The following CLBA1 variants were observed in gnomAD, a reference collection of about 807,000 sequenced individuals.
CLBA1 encodes the protein uncharacterized protein CLBA1.
CLBA1 carries 30 observed loss-of-function variants against 28.8 expected under a neutral mutation model. The ratio of observed to expected loss-of-function variants is 1.04; its 90% confidence interval spans 0.78 to 1.41. The LOEUF is 1.41. Ranked by LOEUF, CLBA1 falls within the 40% of genes most tolerant of loss-of-function variation. The pLI is 0.00. For synonymous variants in CLBA1, 160 were observed against 152.8 expected, an observed-to-expected ratio of 1.05 and a Z score of -0.35; for missense variants, 451 against 412.3, an observed-to-expected ratio of 1.09 and a Z score of -0.81.
Position 104,995,288 on chromosome 14 carries a change from C to T in CLBA1, c.*529C>T, listed in dbSNP as rs138359102. ...CAGATGTGCTGTGTCCTCAGAGCCT[C>T]GCAGGTGCCCTCACTTACTGCCTGG... On this transcript the variant is annotated 3_prime_UTR_variant, in exon 5 of 5. Transcript: ENST00000547315. 132 of 985,458 alleles carry T rather than the reference C, an allele frequency of 1.3e-4. No homozygotes were observed. In the East Asian group the frequency reaches 5.0e-3, roughly 37 times the overall value. 61.0% of individuals were successfully genotyped at this position (985,458 alleles called of 1,614,324 possible). A position where few individuals can be genotyped will look rare whatever the true frequency, so the allele number is the denominator to read the frequency against.
At chr14:104,996,548 C>T (rs1169513541), downstream of CLBA1, among the ~76,000 whole-genome samples, 1 of 152,206 alleles carries the variant, frequency 6.6e-6, no homozygotes, top group Non-Finnish European at 1.5e-5. Context: ...TCTGGAGGCC[C>T]AGCAGGGGAG....
chr14:104,987,403 G>C (rs1318479794), intron 1 of CLBA1, among the ~76,000 whole-genome samples: 1 of 152,150 alleles, frequency 6.6e-6, no homozygotes, highest in Non-Finnish European at 1.5e-5. Flanking sequence ...CTCTTTCAGA[G>C]CAGACTGTGG....
chr14:104,986,964 CAGAGCGT>C, intron 1 of CLBA1, 110 bp downstream of exon 1: 1 of 1,297,040 alleles, frequency 7.7e-7, no homozygotes, highest in Non-Finnish European at 1.1e-6. Flanking sequence ...CTGACAGCCC[CAGAGCGT>C]CTGCTTCTCT....
intron 2 of CLBA1, chr14:104,991,271 G>A: frequency 2.4e-6 from 1 of 413,194 alleles, no homozygotes; most frequent in Non-Finnish European, 4.4e-6. Context: ...TGATCTGTCA[G>A]CCTCAGCCTC....
At chr14:104,998,318 G>A (rs1900202427), downstream of CLBA1, among the ~76,000 whole-genome samples, 1 of 151,894 alleles carries the variant, frequency 6.6e-6, no homozygotes, top group Non-Finnish European at 1.5e-5. Context: ...GGAGGCTGAG[G>A]TGGGAGGATT....
chr14:104,992,129 GCA>G (rs1319658491), intron 3 of CLBA1, among the ~76,000 whole-genome samples: 3 of 135,788 alleles, frequency 2.2e-5, no homozygotes, highest in Non-Finnish European at 3.1e-5. Context: ...ACGCCACCAC[GCA>G]CACGCCGCCA....
chr14:104,987,775 G>T (rs1477120024), intron 1 of CLBA1, among the ~76,000 whole-genome samples: 2 of 145,352 alleles, frequency 1.4e-5, no homozygotes, highest in Admixed American at 6.9e-5. Flanking sequence ...CCACCACCAC[G>T]CCCGGCTAAC....
chr14:104,994,955 G>A lies in CLBA1; in HGVS notation c.*196G>A. 7.9e-7 allele frequency: 1 copy of A among 1,268,438 alleles called. No individual in the cohort carries two copies. Among genetic ancestry groups the A allele is most frequent in the South Asian group, 2.5e-5 (1 of 40,758 alleles). 78.6% of individuals were successfully genotyped at this position (1,268,438 alleles called of 1,614,324 possible). On this transcript the variant is annotated 3_prime_UTR_variant, in exon 5 of 5. Transcript: ENST00000547315. Reference sequence around the variant, plus strand: ...AGATGGAGGATGTGTCCTTGGCAGAGCCAAGGGGAGACAGAGGTTTCTGGA... The same window carrying A: ...AGATGGAGGATGTGTCCTTGGCAGAACCAAGGGGAGACAGAGGTTTCTGGA...
intron 1 of CLBA1, among the ~76,000 whole-genome samples, chr14:104,987,718 A>C (rs1899906403): frequency 7.2e-6 from 1 of 139,810 alleles, no homozygotes; most frequent in Admixed American, 8.0e-5. Context: ...CCTGGGTTCA[A>C]GCAGTTCTCC....
intron 2 of CLBA1, among the ~76,000 whole-genome samples, chr14:105,000,799 G>A (rs1030703460): frequency 3.3e-5 from 5 of 152,078 alleles, no homozygotes; most frequent in African/African-American, 9.7e-5. Flanking sequence ...CTGTTGGTGG[G>A]AGTGTAAAGT....
chr14:104,986,715 C>CA lies in CLBA1; in HGVS notation c.285dup (p.Gln96ThrfsTer4). 6.2e-7 allele frequency: 1 copy of CA among 1,614,118 alleles called. No homozygotes were observed. The highest frequency in any genetic ancestry group is 8.5e-7 in the Non-Finnish European group (1 of 1,180,002). On this transcript the variant is annotated frameshift_variant, in exon 1 of 5. Coordinates refer to ENST00000547315, the MANE Select transcript of CLBA1 (RefSeq NM_174891.4). LOFTEE classifies it high-confidence loss of function. The stretch of plus-strand genomic sequence containing the variant: ...TCTTCAGCCAAGTCTGGACAATTCT[C>CA]ACAGTCCCTTGAACTCCTCGAGGGA...
intron 2 of CLBA1, 84 bp downstream of exon 2, chr14:104,989,172 G>T: frequency 7.0e-7 from 1 of 1,429,176 alleles, no homozygotes; most frequent in African/African-American, 1.4e-5. Flanking sequence ...CTTTGTTTTT[G>T]CCTTTATGGA....
rs1899874911 is a variant in CLBA1, at chr14:104,986,719, G to A, written c.288G>A (p.Gln96=). The change falls in exon 1 of 5, where the codon CAG becomes CAA. Residue 96 remains glutamine, a synonymous_variant. Coordinates refer to ENST00000547315, the MANE Select transcript of CLBA1 (RefSeq NM_174891.4). ...ESSAKSGQFS[Q]SLELLEGPTE... ...CAGCCAAGTCTGGACAATTCTCACA[G>A]TCCCTTGAACTCCTCGAGGGACCCA... is the stretch of plus-strand genomic sequence containing the variant. The A allele has an allele frequency of 6.2e-7, 1 of 1,613,964 alleles. No homozygotes were observed.
chr14:104,996,919 C>A (rs372131903), downstream of CLBA1, among the ~76,000 whole-genome samples: 9 of 152,218 alleles, frequency 5.9e-5, no homozygotes, highest in Non-Finnish European at 1.3e-4. Context: ...GTGGAAGGCA[C>A]GTGCCCCTCT....
At chr14:104,988,243 C>T (rs945236948) in intron 1 of CLBA1, among the ~76,000 whole-genome samples, 1 of 152,150 alleles carries the variant, frequency 6.6e-6, no homozygotes, top group Non-Finnish European at 1.5e-5. Flanking sequence ...CGGTTCAGAC[C>T]ACCCTCCTCC....
At position 104,986,665 on chromosome 14, in the gene CLBA1, G is replaced by C. The variant is rs377118470; in HGVS notation, c.234G>C (p.Trp78Cys). Residue 78 changes from tryptophan (W) to cysteine (C), a missense_variant, in exon 1 of 5, where the codon TGG becomes TGC. Physicochemically the swap from Trp to Cys is radical, Grantham distance 215. Transcript: ENST00000547315. The stretch of plus-strand genomic sequence containing the variant: ...ACCCTGGGGAACACAGCAGCACTTG[G>C]GGGGAGTTTGAAGGCTTTCGGGAAT... ...CPDPGEHSST[W>C]GEFEGFRESS... 2.8e-5 allele frequency: 46 copies of C among 1,614,106 alleles called. 1 individual carries two copies. In the South Asian group the frequency reaches 4.8e-4, roughly 17 times the overall value.
intron 4 of CLBA1, chr14:104,993,544 C>A: frequency 2.0e-6 from 2 of 985,430 alleles, no homozygotes; most frequent in Non-Finnish European, 2.4e-6. Flanking sequence ...GCGGTTCTTG[C>A]CACAGAGTCA....
In CLBA1 at chr14:104,986,776, C is replaced by T; in HGVS notation, c.345C>T (p.Ala115=). The change falls in exon 1 of 5, where the codon GCC becomes GCT. Residue 115 remains alanine, a synonymous_variant. Transcript: ENST00000547315. ...CCCAGCCACCGAGAACCACTTCTGC[C>T]CCAAAAGAGTGCAGTTCTCACCAAC... is the stretch of plus-strand genomic sequence containing the variant. ...TEPQPPRTTS[A]PKECSSHQPC... 2 of 1,613,974 alleles carry T rather than the reference C, an allele frequency of 1.2e-6. No individual in the cohort carries two copies. Among genetic ancestry groups the T allele is most frequent in the Non-Finnish European group, 1.7e-6 (2 of 1,180,024 alleles).
rs1157660765 is a variant in CLBA1, at chr14:104,993,024, G to C, written c.776G>C (p.Ser259Thr). 4 of 1,613,994 alleles carry C rather than the reference G, an allele frequency of 2.5e-6. No homozygotes were observed. The highest frequency in any genetic ancestry group is 1.3e-5 in the African/African-American group (1 of 74,934). Residue 259 changes from serine (S) to threonine (T), a missense_variant, in exon 4 of 5, where the codon AGC (serine) becomes ACC (threonine). Physicochemically the swap from Ser to Thr is moderately conservative, Grantham distance 58. Coordinates refer to ENST00000547315, the MANE Select transcript of CLBA1 (RefSeq NM_174891.4). ...KEPEGLLTVSSFCLQHCKALI... is the reference protein window; with the variant it reads ...KEPEGLLTVSTFCLQHCKALI... ...CCTGAAGGACTCCTCACTGTCAGCA[G>C]CTTCTGTCTCCAGCATTGCAAAGCC... is the stretch of plus-strand genomic sequence containing the variant.
Sources: allele counts gnomAD v4.1 joint callset (sites outside exome capture counted in the v4.1 genomes callset), GRCh38; gene constraint gnomAD v4.1.1; transcripts MANE v1.5; gene names NCBI Gene and HGNC (gene_info 2026-07-23, HGNC 2026-07-21).